The following TLK1 variants were observed in gnomAD, a reference collection of about 807,000 sequenced individuals.
TLK1 encodes the protein tousled like kinase 1, also known as serine/threonine-protein kinase tousled-like 1.
TLK1 carries 24 observed loss-of-function variants against 105.3 expected under a neutral mutation model. That is an observed-to-expected ratio of 0.23 (90% CI 0.17 to 0.32). The LOEUF (loss-of-function observed/expected upper bound fraction) is 0.32, where lower values mean the gene tolerates loss of function less well. TLK1 is among the 10% of genes least tolerant of loss of function. The probability of loss-of-function intolerance (pLI) is 1.00; values close to 1 mark genes in which losing one functional copy is unlikely to be tolerated. For synonymous variants in TLK1, 321 were observed against 310.4 expected, an observed-to-expected ratio of 1.03 and a Z score of -0.36; for missense variants, 558 against 910.5, an observed-to-expected ratio of 0.61 and a Z score of 4.98.
intron 1 of TLK1, among the ~76,000 whole-genome samples, chr2:171,226,358 T>C (rs529651432): frequency 7.6e-4 from 115 of 152,290 alleles, no homozygotes; most frequent in African/African-American, 2.6e-3. Flanking sequence ...GAAGACCTAT[T>C]AGAAATTTCA....
intron 1 of TLK1, among the ~76,000 whole-genome samples, chr2:171,129,214 T>C (rs183187274): frequency 3.3e-5 from 5 of 152,324 alleles, no homozygotes; most frequent in African/African-American, 9.6e-5. Context: ...TACTAAGTAA[T>C]AGGTGCTTCT....
chr2:171,017,237 T>C (rs1685252605), intron 12 of TLK1, among the ~76,000 whole-genome samples: 2 of 152,182 alleles, frequency 1.3e-5, no homozygotes, highest in Admixed American at 1.3e-4. Flanking sequence ...ACTAGAAATG[T>C]AGAATCTAGA....
At chr2:171,178,440 C>T (rs974158259) in intron 1 of TLK1, among the ~76,000 whole-genome samples, 1 of 152,178 alleles carries the variant, frequency 6.6e-6, no homozygotes, top group Non-Finnish European at 1.5e-5. Flanking sequence ...TTAAGGGAAG[C>T]TCTTTGGCTT....
intron 1 of TLK1, among the ~76,000 whole-genome samples, chr2:171,173,723 C>T (rs969999735): frequency 2.6e-5 from 4 of 152,054 alleles, no homozygotes; most frequent in African/African-American, 4.8e-5. Context: ...TTCTTCAGCC[C>T]ACATCTTTCT....
intron 1 of TLK1, among the ~76,000 whole-genome samples, chr2:171,151,668 G>A (rs1011306573): frequency 6.6e-6 from 1 of 151,218 alleles, no homozygotes; most frequent in Non-Finnish European, 1.5e-5. Flanking sequence ...GTAGAGACAG[G>A]GTTTCACCGT....
rs968441195 is a variant in TLK1 at position 171,117,596 on chromosome 2, G to A, written c.258+143C>T. 5.6e-5 allele frequency: 36 copies of A among 647,160 alleles called. 1 individual carries two copies. The highest frequency in any genetic ancestry group is 3.0e-4 in the South Asian group (15 of 50,348). The allele number at this position is 647,160 out of a possible 1,614,324, so 40.1% of individuals were successfully genotyped here. A position where few individuals can be genotyped will look rare whatever the true frequency, so the allele number is the denominator to read the frequency against. On this transcript the variant is annotated intron_variant, in intron 2 of 20. Transcript: ENST00000431350. Reference sequence around the variant, plus strand: ...AAATATGGTATACTACATTAAAAACGCATTTATGAACACTGATCTTATTCT... The same window carrying A: ...AAATATGGTATACTACATTAAAAACACATTTATGAACACTGATCTTATTCT...
intron 1 of TLK1, among the ~76,000 whole-genome samples, chr2:171,229,972 T>C (rs943959944): frequency 2.6e-5 from 4 of 152,152 alleles, no homozygotes; most frequent in Non-Finnish European, 5.9e-5. Flanking sequence ...TACCTCTGTT[T>C]AGTAGGAGTT....
chr2:170,994,738 T>TA (rs758862844), intron 20 of TLK1: 2 of 516,248 alleles, frequency 3.9e-6, no homozygotes, highest in Non-Finnish European at 7.7e-6. Flanking sequence ...TCTTGACTTC[T>TA]AAAACCATAG....
chr2:171,210,497 G>A (rs908388756), intron 1 of TLK1, among the ~76,000 whole-genome samples: 7 of 151,758 alleles, frequency 4.6e-5, no homozygotes, highest in South Asian at 2.1e-4. Flanking sequence ...AAGTATTTGC[G>A]AAAGAAAAGA....
intron 1 of TLK1, among the ~76,000 whole-genome samples, chr2:171,183,423 T>G (rs555802672): frequency 6.6e-6 from 1 of 152,330 alleles, no homozygotes; most frequent in East Asian, 1.9e-4. Context: ...GAGGTTTAGC[T>G]TTCTTACTCT....
At chr2:171,028,787 A>G (rs905914791) in intron 11 of TLK1, among the ~76,000 whole-genome samples, 1 of 152,222 alleles carries the variant, frequency 6.6e-6, no homozygotes, top group South Asian at 2.1e-4. Flanking sequence ...CTTACATATT[A>G]GTTTGAGCGT....
intron 12 of TLK1, among the ~76,000 whole-genome samples, chr2:171,016,820 T>C (rs1685236642): frequency 6.6e-6 from 1 of 152,214 alleles, no homozygotes; most frequent in South Asian, 2.1e-4. Flanking sequence ...CTAAGGTTAT[T>C]ATTTTAAAAT....
intron 1 of TLK1, among the ~76,000 whole-genome samples, chr2:171,166,553 T>A (rs968664983): frequency 6.6e-6 from 1 of 152,262 alleles, no homozygotes; most frequent in Non-Finnish European, 1.5e-5. Context: ...TAGGCCATAT[T>A]TATCCTAAAA....
rs372300401 is a variant in TLK1, at chr2:171,145,435, C to T, written c.139+14855G>A. Among the ~76,000 whole-genome samples the T allele has an allele frequency of 1.1e-4, 17 of 151,824 alleles. 1 individual carries two copies. In the East Asian group the frequency reaches 1.5e-3, roughly 14 times the overall value. On this transcript the variant is annotated intron_variant, in intron 1 of 20. Transcript: ENST00000431350. ...TGAAACCCTGTCTCTACTAAAAATA[C>T]AAAAATTAGCTGGGCATGGTGGCGG...
chr2:171,108,175 C>T (rs1690014600), intron 2 of TLK1, among the ~76,000 whole-genome samples: 1 of 151,892 alleles, frequency 6.6e-6, no homozygotes, highest in Non-Finnish European at 1.5e-5. Context: ...CTGTTTACAC[C>T]TTTTAAATCT....
rs773980902 is a variant in TLK1 at position 171,160,479 on chromosome 2, A to G, written c.-51T>C. 1.3e-6 allele frequency: 2 copies of G among 1,570,842 alleles called. No homozygotes were observed. Among genetic ancestry groups the G allele is most frequent in the Admixed American group, 1.9e-5 (1 of 53,280 alleles). ...CCCCCCCTGCGACGGCAGCGGCGGCAACGGCACCGGCACCCGCCTCCGTCA... is the reference window on the plus strand; with the variant it reads ...CCCCCCCTGCGACGGCAGCGGCGGCGACGGCACCGGCACCCGCCTCCGTCA... On this transcript the variant is annotated 5_prime_UTR_variant, in exon 1 of 21. Coordinates refer to ENST00000431350, the MANE Select transcript of TLK1 (RefSeq NM_012290.5). This position sits in a 1 kb window ranked among gnomAD's most constrained non-coding sequence, Gnocchi z 4.4.
At chr2:171,082,931 A>T in intron 2 of TLK1, 79 bp from the exon 3 acceptor site, 2 of 941,072 alleles carry the variant, frequency 2.1e-6, no homozygotes, top group East Asian at 4.9e-5. Context: ...CAAACATATT[A>T]CAAAGTAGAT....
chr2:171,166,220 C>G (rs1272660183), intron 1 of TLK1, among the ~76,000 whole-genome samples: 1 of 152,270 alleles, frequency 6.6e-6, no homozygotes, highest in Non-Finnish European at 1.5e-5. Flanking sequence ...GTTCTCTGTT[C>G]TCTATTTCCC....
intron 1 of TLK1, among the ~76,000 whole-genome samples, chr2:171,126,563 C>T (rs1053987614): frequency 5.9e-5 from 9 of 151,906 alleles, no homozygotes; most frequent in South Asian, 4.1e-4. Flanking sequence ...TCTTCCTTGA[C>T]GACAGTCATA....
Sources: allele counts gnomAD v4.1 joint callset (sites outside exome capture counted in the v4.1 genomes callset), GRCh38; gene constraint gnomAD v4.1.1; non-coding constraint Gnocchi (gnomAD v3.1); transcripts MANE v1.5; gene names NCBI Gene and HGNC (gene_info 2026-07-23, HGNC 2026-07-21).